CERS6: variants seen among roughly 807,000 people sequenced by gnomAD.
CERS6 encodes the protein ceramide synthase 6.
CERS6 carries 26 observed loss-of-function variants against 56.8 expected under a neutral mutation model. The observed-to-expected ratio is 0.46, with a 90% CI of 0.34 to 0.63. CERS6 has a LOEUF of 0.63. Ranked by LOEUF, CERS6 falls within the 30% of genes least tolerant of loss-of-function variation. The pLI, the probability that CERS6 is intolerant of heterozygous loss-of-function variation, is 0.01. For synonymous variants in CERS6, 164 were observed against 173.3 expected (o/e 0.95, Z 0.42); for missense variants, 415 against 467.5 (o/e 0.89, Z 1.04).
At chr2:168,640,764 G>A (rs184333620) in intron 4 of CERS6, among the ~76,000 whole-genome samples, 1 of 152,306 alleles carries the variant, frequency 6.6e-6, no homozygotes, top group Non-Finnish European at 1.5e-5. Flanking sequence ...TTAAGGAGAT[G>A]GGACATTTTA....
intron 8 of CERS6, among the ~76,000 whole-genome samples, chr2:168,746,775 G>GGGTATATA (rs1211266646): frequency 2.6e-5 from 1 of 38,992 alleles, no homozygotes; most frequent in African/African-American, 7.8e-5. Flanking sequence ...AGGGTAAAGG[G>GGGTATATA]TATATATATA....
At chr2:168,759,837 ATCTAAG>A (rs1229142447) in intron 8 of CERS6, among the ~76,000 whole-genome samples, 1 of 152,022 alleles carries the variant, frequency 6.6e-6, no homozygotes, top group East Asian at 1.9e-4. Context: ...GCATCTAAGC[ATCTAAG>A]GAGAACCCTG....
chr2:168,517,912 A>G (rs1401288118), intron 1 of CERS6, among the ~76,000 whole-genome samples: 2 of 152,226 alleles, frequency 1.3e-5, no homozygotes, highest in Non-Finnish European at 2.9e-5. Flanking sequence ...TTCCTTTTAG[A>G]CTAGAGAAAA....
intron 6 of CERS6, among the ~76,000 whole-genome samples, chr2:168,712,086 G>A (rs1687105902): frequency 6.6e-6 from 1 of 152,168 alleles, no homozygotes; most frequent in Admixed American, 6.5e-5. Flanking sequence ...GTCACCCAGT[G>A]AATCAGGAAC....
rs974057482 is a variant in CERS6 at position 168,630,247 on chromosome 2, C to A, written c.408-738C>A. Among the ~76,000 whole-genome samples, 8 of 151,512 alleles carry A rather than the reference C, an allele frequency of 5.3e-5. 1 individual carries two copies. Among genetic ancestry groups the A allele is most frequent in the African/African-American group, 1.9e-4 (8 of 41,238 alleles). On this transcript the variant is annotated intron_variant, in intron 3 of 9. Coordinates refer to ENST00000305747, the MANE Select transcript of CERS6 (RefSeq NM_203463.3). ...GCGTAGCTATTCATACTCGGAAGTACAAGAAATAAAATTGGGAATTTAGTA... is the reference window on the plus strand; with the variant it reads ...GCGTAGCTATTCATACTCGGAAGTAAAAGAAATAAAATTGGGAATTTAGTA...
At chr2:168,528,130 G>A (rs1029340751) in intron 1 of CERS6, among the ~76,000 whole-genome samples, 14 of 152,150 alleles carry the variant, frequency 9.2e-5, no homozygotes, top group African/African-American at 3.4e-4. Flanking sequence ...ATTGGGGATT[G>A]TGTTTTCAAT....
At chr2:168,509,963 T>G (rs756401373) in intron 1 of CERS6, among the ~76,000 whole-genome samples, 1 of 152,186 alleles carries the variant, frequency 6.6e-6, no homozygotes, top group Non-Finnish European at 1.5e-5. Context: ...GTTTCCAAAC[T>G]GTTTATCTCT....
intron 1 of CERS6, among the ~76,000 whole-genome samples, chr2:168,505,833 C>T (rs1208705199): frequency 1.3e-5 from 2 of 152,144 alleles, no homozygotes; most frequent in Non-Finnish European, 2.9e-5. Context: ...CAGGATTATT[C>T]TTTAGGAGCT....
chr2:168,676,618 A>T (rs1356632295), intron 4 of CERS6, among the ~76,000 whole-genome samples: 1 of 152,182 alleles, frequency 6.6e-6, no homozygotes, highest in Non-Finnish European at 1.5e-5. Flanking sequence ...TTTTTGAGAA[A>T]ATGTCTACAA....
chr2:168,746,006 A>G (rs888642906), intron 8 of CERS6, among the ~76,000 whole-genome samples: 2 of 152,200 alleles, frequency 1.3e-5, no homozygotes, highest in African/African-American at 4.8e-5. Flanking sequence ...CTCAGAGAAG[A>G]GGCAAATGTA....
rs1694335906 is a variant in CERS6 at position 168,489,758 on chromosome 2, T to C, written c.170+33140T>C. Among the ~76,000 whole-genome samples the C allele has an allele frequency of 5.3e-5, 8 of 152,262 alleles. 1 individual carries two copies. In the South Asian group the frequency reaches 1.7e-3, roughly 32 times the overall value. ...ATTTTTCTGTTGAGAACTTCTGTCTTTCCATTCATTCCATATCACCATGGA... is the reference window on the plus strand; with the variant it reads ...ATTTTTCTGTTGAGAACTTCTGTCTCTCCATTCATTCCATATCACCATGGA... On this transcript the variant is annotated intron_variant, in intron 1 of 9. Transcript: ENST00000305747.
At chr2:168,627,491 A>G (rs536216554) in intron 3 of CERS6, among the ~76,000 whole-genome samples, 2 of 152,216 alleles carry the variant, frequency 1.3e-5, no homozygotes, top group South Asian at 4.1e-4. Context: ...GCTTTCTTTG[A>G]TTGAGTCTTC....
chr2:168,675,958 T>C (rs1171027754), intron 4 of CERS6, among the ~76,000 whole-genome samples: 1 of 152,200 alleles, frequency 6.6e-6, no homozygotes, highest in Non-Finnish European at 1.5e-5. Context: ...GTGCTGAGAT[T>C]ACAGGCGTGA....
chr2:168,773,650 C>CA lies in CERS6; in HGVS notation c.*3990dup, dbSNP rs1684921603. ...GGAATAATCAGCAGTTCAGTTGTCACAAGCCGCCCTTGAAGAAAACGCAGC... is the reference window on the plus strand; with the variant it reads ...GGAATAATCAGCAGTTCAGTTGTCACAAAGCCGCCCTTGAAGAAAACGCAGC... On this transcript the variant is annotated 3_prime_UTR_variant, in exon 10 of 10. Coordinates refer to ENST00000305747, the MANE Select transcript of CERS6 (RefSeq NM_203463.3). The CA allele has an allele frequency of 6.6e-6, 1 of 152,212 alleles. No homozygotes were observed. The highest frequency in any genetic ancestry group is 6.5e-5 in the Admixed American group (1 of 15,278). 9.4% of individuals were successfully genotyped at this position (152,212 alleles called of 1,614,324 possible). A position where few individuals can be genotyped will look rare whatever the true frequency, so the allele number is the denominator to read the frequency against.
At chr2:168,549,363 G>T (rs548814686) in intron 2 of CERS6, among the ~76,000 whole-genome samples, 1 of 152,144 alleles carries the variant, frequency 6.6e-6, no homozygotes, top group African/African-American at 2.4e-5. Flanking sequence ...TTGGCTGGGC[G>T]TGGTGGCTCA....
At chr2:168,576,220 T>C (rs1168340968) in intron 3 of CERS6, among the ~76,000 whole-genome samples, 1 of 152,198 alleles carries the variant, frequency 6.6e-6, no homozygotes, top group African/African-American at 2.4e-5. Flanking sequence ...CCCTCATTTG[T>C]GTGCCCCTTT....
At chr2:168,733,736 G>C (rs1199095945) in intron 8 of CERS6, among the ~76,000 whole-genome samples, 2 of 152,178 alleles carry the variant, frequency 1.3e-5, no homozygotes, top group Non-Finnish European at 2.9e-5. Context: ...GACAATTCTG[G>C]AAACATGATG....
At chr2:168,715,899 G>A (rs62174434) in intron 7 of CERS6, among the ~76,000 whole-genome samples, 2,979 of 152,044 alleles carry the variant, frequency 0.02, 47 homozygotes, top group South Asian at 0.049. Flanking sequence ...TGTAGAAATG[G>A]TTCTTACAAT....
At chr2:168,472,066 A>G (rs1208656355) in intron 1 of CERS6, among the ~76,000 whole-genome samples, 2 of 152,128 alleles carry the variant, frequency 1.3e-5, no homozygotes, top group African/African-American at 4.8e-5. Flanking sequence ...TTAAAATTCC[A>G]TCTTGGAGAA....
Sources: gnomAD v4.1 joint callset for allele counts (sites outside exome capture counted in the v4.1 genomes callset) on GRCh38, gnomAD v4.1.1 for gene constraint, MANE v1.5 for transcripts, NCBI Gene and HGNC (gene_info 2026-07-23, HGNC 2026-07-21) for gene names.